Variants in TBC1D9 observed in about 807,000 individuals in gnomAD.
TBC1D9 encodes TBC1 domain family member 9.
TBC1D9 carries 63 observed loss-of-function variants against 132.0 expected under a neutral mutation model. That is an observed-to-expected ratio of 0.48 (90% CI 0.39 to 0.59). The LOEUF is 0.59. Among genes scored for constraint, TBC1D9 ranks in the 20% least tolerant of loss-of-function variants. The pLI, the probability that TBC1D9 is intolerant of heterozygous loss-of-function variation, is 0.00. For synonymous variants in TBC1D9, 610 were observed against 609.9 expected, an observed-to-expected ratio of 1.00 and a Z score of 0.00; for missense variants, 1,261 against 1,592.7, an observed-to-expected ratio of 0.79 and a Z score of 3.54.
At chr4:140,630,194 A>G (rs1445738549) in intron 16 of TBC1D9, among the ~76,000 whole-genome samples, 1 of 152,240 alleles carries the variant, frequency 6.6e-6, no homozygotes, top group Non-Finnish European at 1.5e-5. Context: ...ATTTTGTAAC[A>G]GTGAAACAGC....
rs776173982 is a variant in TBC1D9, at chr4:140,622,630, C to T, written c.3366G>A (p.Glu1122=). ...PLPASLAPDS[E]EHSLGGQMED... is the part of the protein sequence containing the mutation. Reference sequence around the variant, plus strand: ...CCATTTGTCCTCCAAGGGAGTGTTCCTCGCTGTCGGGGGCCAGGCTGGCCG... The same window carrying T: ...CCATTTGTCCTCCAAGGGAGTGTTCTTCGCTGTCGGGGGCCAGGCTGGCCG... Residue 1122 remains glutamate (E), a synonymous_variant, in exon 21 of 21, where the codon GAG becomes GAA. Coordinates refer to ENST00000442267, the MANE Select transcript of TBC1D9 (RefSeq NM_015130.3). The T allele has an allele frequency of 1.2e-6, 2 of 1,612,164 alleles. No individual in the cohort carries two copies. Among genetic ancestry groups the T allele is most frequent in the Admixed American group, 3.3e-5 (2 of 59,964 alleles).
At chr4:140,681,939 A>T (rs769120722) in intron 3 of TBC1D9, among the ~76,000 whole-genome samples, 2 of 152,222 alleles carry the variant, frequency 1.3e-5, no homozygotes, top group Non-Finnish European at 2.9e-5. Context: ...AGAAAATAGC[A>T]TGTTTATATG....
intron 6 of TBC1D9, 80 bp from the exon 7 acceptor site, chr4:140,671,006 A>T: frequency 2.5e-6 from 3 of 1,217,952 alleles, no homozygotes; most frequent in Non-Finnish European, 3.6e-6. Context: ...TAAAGGAGGA[A>T]GGCGGCACTT....
At chr4:140,736,365 A>C (rs1738672847) in intron 1 of TBC1D9, among the ~76,000 whole-genome samples, 1 of 152,076 alleles carries the variant, frequency 6.6e-6, no homozygotes, top group African/African-American at 2.4e-5. Flanking sequence ...ACATGGTGAA[A>C]CCCCATCTCT....
At position 140,659,573 on chromosome 4, in the gene TBC1D9, T is replaced by A; in HGVS notation, c.1921+15A>T. On this transcript the variant is annotated intron_variant, in intron 11 of 20. Transcript: ENST00000442267. ...ACGAGACATAGGTTGAAATGTTAAA[T>A]GCATCTCCACTTACCCACAACTCTG... 3.9e-6 allele frequency: 6 copies of A among 1,533,816 alleles called. No individual in the cohort carries two copies. The highest frequency in any genetic ancestry group is 5.3e-6 in the Non-Finnish European group (6 of 1,125,468).
At chr4:140,633,219 TA>T (rs1433355557) in intron 16 of TBC1D9, among the ~76,000 whole-genome samples, 1 of 152,308 alleles carries the variant, frequency 6.6e-6, no homozygotes, top group East Asian at 1.9e-4. Context: ...ATTAGAATTT[TA>T]AAAAAATTGT....
At chr4:140,656,024 T>G (rs1737261264) in intron 13 of TBC1D9, among the ~76,000 whole-genome samples, 1 of 152,032 alleles carries the variant, frequency 6.6e-6, no homozygotes. Flanking sequence ...AGCCACAGCT[T>G]GTCTTGCCAT....
Position 140,683,418 on chromosome 4 carries a change from C to T in TBC1D9, c.360+2926G>A, listed in dbSNP as rs113997240. ...TCTTAGTTGGCTATAATTTTTTAGC[C>T]AGGTAGACTAGATTATGGAATACAG... On this transcript the variant is annotated intron_variant, in intron 3 of 20. Coordinates refer to ENST00000442267, the MANE Select transcript of TBC1D9 (RefSeq NM_015130.3). Among the ~76,000 whole-genome samples the T allele has an allele frequency of 7.1e-3, 1,073 of 152,186 alleles. 7 individuals carry two copies. The highest frequency in any genetic ancestry group is 0.025 in the African/African-American group (1,026 of 41,522).
At chr4:140,676,821 A>C in intron 6 of TBC1D9, 73 bp downstream of exon 6, 1 of 1,554,110 alleles carries the variant, frequency 6.4e-7, no homozygotes, top group Non-Finnish European at 8.7e-7. Flanking sequence ...TGTTGGTAAA[A>C]AAATTATTCC....
rs890974085 is a variant in TBC1D9 at position 140,657,100 on chromosome 4, G to A, written c.2334C>T (p.Tyr778=). 2.4e-5 allele frequency: 38 copies of A among 1,613,300 alleles called. No homozygotes were observed. The East Asian group carries it at 2.4e-4, about 10-fold the overall frequency. ...VDIFRLIRTS[Y]EKFGTIRADL... Reference sequence around the variant, plus strand: ...TCAGCCAGGAGACAAGACCTACCTCGTAGGAAGTTCTGATGAGTCTAAAGA... The same window carrying A: ...TCAGCCAGGAGACAAGACCTACCTCATAGGAAGTTCTGATGAGTCTAAAGA... Residue 778 remains tyrosine (Y), a synonymous_variant, in exon 13 of 21, where the codon TAC becomes TAT. Coordinates refer to ENST00000442267, the MANE Select transcript of TBC1D9 (RefSeq NM_015130.3).
chr4:140,741,567 A>C (rs1487011318), intron 1 of TBC1D9, among the ~76,000 whole-genome samples: 1 of 152,046 alleles, frequency 6.6e-6, no homozygotes, highest in Non-Finnish European at 1.5e-5. Context: ...AAAATACAAA[A>C]ATTAGCTAGG....
intron 1 of TBC1D9, among the ~76,000 whole-genome samples, chr4:140,752,405 T>C (rs1738940048): frequency 6.6e-6 from 1 of 152,194 alleles, no homozygotes; most frequent in South Asian, 2.1e-4. Context: ...GGATATGTTC[T>C]TTGGAAAAAC....
At chr4:140,640,442 TGGGGTGGGG>T (rs1736967281) in intron 13 of TBC1D9, among the ~76,000 whole-genome samples, 1 of 9,290 alleles carries the variant, frequency 1.1e-4, no homozygotes, top group Admixed American at 1.4e-3. Flanking sequence ...CTTAGGGTGG[TGGGGTGGGG>T]GGGGGAGTAG....
chr4:140,654,666 GATGACTTTTTTAA>G (rs2110993943), intron 13 of TBC1D9, among the ~76,000 whole-genome samples: 1 of 152,244 alleles, frequency 6.6e-6, no homozygotes, highest in African/African-American at 2.4e-5. Context: ...GTCCTGGGGC[GATGACTTTTTTAA>G]ATGCATATGG....
chr4:140,675,321 T>C (rs546835911), intron 6 of TBC1D9, among the ~76,000 whole-genome samples: 4 of 151,920 alleles, frequency 2.6e-5, no homozygotes, highest in African/African-American at 7.2e-5. Context: ...AAGAAAAAGA[T>C]AAAGAAGGCA....
chr4:140,622,856 T>G lies in TBC1D9; in HGVS notation c.3140A>C (p.Gln1047Pro), dbSNP rs1245879884. 4 of 1,591,898 alleles carry G rather than the reference T, an allele frequency of 2.5e-6. No homozygotes were observed. Among genetic ancestry groups the G allele is most frequent in the Non-Finnish European group, 3.4e-6 (4 of 1,171,724 alleles). The change falls in exon 21 of 21, where the codon CAG (glutamine) becomes CCG (proline). Residue 1047 changes from glutamine (Q) to proline (P), a missense_variant. Coordinates refer to ENST00000442267, the MANE Select transcript of TBC1D9 (RefSeq NM_015130.3). ...YNMFSEDPNEQELYHATAAVT... is the reference protein window; with the variant it reads ...YNMFSEDPNEPELYHATAAVT... ...TGCTGCCGTGGCGTGGTACAGCTCC[T>G]GCTCATTGGGGTCTTCGCTGAACAT...
At chr4:140,705,023 A>G (rs1738129212) in intron 1 of TBC1D9, among the ~76,000 whole-genome samples, 1 of 152,256 alleles carries the variant, frequency 6.6e-6, no homozygotes, top group Non-Finnish European at 1.5e-5. Context: ...CACATTAGAT[A>G]CATTTAAATG....
intron 2 of TBC1D9, among the ~76,000 whole-genome samples, chr4:140,690,695 T>C (rs1347880212): frequency 6.6e-6 from 1 of 152,124 alleles, no homozygotes; most frequent in Non-Finnish European, 1.5e-5. Flanking sequence ...AAGTTTCTTC[T>C]GGCTACATCC....
chr4:140,749,869 C>T (rs1227401450), intron 1 of TBC1D9, among the ~76,000 whole-genome samples: 2 of 151,978 alleles, frequency 1.3e-5, no homozygotes, highest in Non-Finnish European at 1.5e-5. Flanking sequence ...GTGAACATTT[C>T]ATAATGATAA....
Sources: gnomAD v4.1 joint callset for allele counts (sites outside exome capture counted in the v4.1 genomes callset) on GRCh38, gnomAD v4.1.1 for gene constraint, MANE v1.5 for transcripts, NCBI Gene and HGNC (gene_info 2026-07-23, HGNC 2026-07-21) for gene names.